The following EML6 variants were observed in gnomAD, a reference collection of about 807,000 sequenced individuals.
The protein encoded by EML6 is EMAP like 6, also known as echinoderm microtubule-associated protein-like 6.
In EML6, 154 loss-of-function variants were observed where a neutral mutation model predicts 240.1. The ratio of observed to expected loss-of-function variants is 0.64; its 90% CI spans 0.56 to 0.73. The LOEUF (loss-of-function observed/expected upper bound fraction) is 0.73. EML6 is among the 30% of genes least tolerant of loss of function. The probability of loss-of-function intolerance (pLI) is 0.00; values close to 1 mark genes in which losing one functional copy is unlikely to be tolerated. For synonymous variants in EML6, 1,148 were observed against 899.0 expected, an observed-to-expected ratio of 1.28 and a Z score of -4.95; for missense variants, 2,964 against 2,474.6, an observed-to-expected ratio of 1.20 and a Z score of -4.20.
At position 54,800,975 on chromosome 2, in the gene EML6, T is replaced by C. The variant is rs570743099; in HGVS notation, c.198-12257T>C. On this transcript the variant is annotated intron_variant, in intron 2 of 41. Transcript: ENST00000356458. ...TAGAATAAAGTTACCCTTCATGTTA[T>C]CTGTTTCCTTGAATTTTCTTAGCCC... Among the ~76,000 whole-genome samples the C allele has an allele frequency of 8.5e-5, 13 of 152,290 alleles. No individual in the cohort carries two copies. In the East Asian group the frequency reaches 1.9e-3, roughly 23 times the overall value.
chr2:54,742,043 A>G (rs1031446952), intron 2 of EML6, among the ~76,000 whole-genome samples: 1 of 152,256 alleles, frequency 6.6e-6, no homozygotes. Flanking sequence ...AATTCAAATT[A>G]ACATTCATAA....
intron 17 of EML6, among the ~76,000 whole-genome samples, chr2:54,886,672 G>T (rs541026480): frequency 6.6e-6 from 1 of 152,090 alleles, no homozygotes; most frequent in African/African-American, 2.4e-5. Context: ...TCTCATTATG[G>T]TTTTCCTAAT....
At chr2:54,917,369 T>TG (rs1673976212) in intron 26 of EML6, among the ~76,000 whole-genome samples, 1 of 147,936 alleles carries the variant, frequency 6.8e-6, no homozygotes, top group Non-Finnish European at 1.5e-5. Context: ...TTTTTTTTTT[T>TG]TTTTTTGTTT....
At chr2:54,762,667 G>A (rs984440524) in intron 2 of EML6, among the ~76,000 whole-genome samples, 1 of 151,954 alleles carries the variant, frequency 6.6e-6, no homozygotes, top group Non-Finnish European at 1.5e-5. Context: ...TTATCCCCAG[G>A]GCCAATAGGA....
At chr2:54,824,341 G>A (rs184994301) in intron 5 of EML6, among the ~76,000 whole-genome samples, 27 of 152,112 alleles carry the variant, frequency 1.8e-4, no homozygotes. Flanking sequence ...TTACCTCAAA[G>A]AATCTGGAAT....
intron 10 of EML6, among the ~76,000 whole-genome samples, chr2:54,850,727 C>T (rs538806720): frequency 1.3e-5 from 2 of 152,260 alleles, no homozygotes; most frequent in South Asian, 4.1e-4. Flanking sequence ...GAAATGGAAA[C>T]CACATATACT....
chr2:54,833,805 C>A (rs1411709154), intron 7 of EML6, among the ~76,000 whole-genome samples: 1 of 152,200 alleles, frequency 6.6e-6, no homozygotes, highest in African/African-American at 2.4e-5. Context: ...TATAAACCAA[C>A]AACCTAATTC....
chr2:54,893,411 G>T (rs998814631), intron 19 of EML6, among the ~76,000 whole-genome samples: 1 of 151,964 alleles, frequency 6.6e-6, no homozygotes. Flanking sequence ...AGAGTGGGAG[G>T]GTCCGAAATC....
chr2:54,842,186 G>T (rs1211242502), intron 7 of EML6, among the ~76,000 whole-genome samples: 1 of 152,086 alleles, frequency 6.6e-6, no homozygotes, highest in Non-Finnish European at 1.5e-5. Context: ...GTATCCTACA[G>T]GATAGTTTCA....
chr2:54,897,326 T>C (rs1573097239), intron 21 of EML6, among the ~76,000 whole-genome samples: 1 of 152,244 alleles, frequency 6.6e-6, no homozygotes, highest in Non-Finnish European at 1.5e-5. Flanking sequence ...CCTATGTTTG[T>C]TTCTATTGCT....
At chr2:54,743,115 A>G (rs1004544799) in intron 2 of EML6, among the ~76,000 whole-genome samples, 1 of 152,246 alleles carries the variant, frequency 6.6e-6, no homozygotes, top group African/African-American at 2.4e-5. Flanking sequence ...TTGTTTATTC[A>G]GTTCAGGGTC....
chr2:54,915,272 G>GGA (rs1412461465), intron 25 of EML6, among the ~76,000 whole-genome samples: 1 of 152,130 alleles, frequency 6.6e-6, no homozygotes, highest in Non-Finnish European at 1.5e-5. Flanking sequence ...GTCTGCCAGG[G>GGA]GAGCAATACC....
intron 10 of EML6, among the ~76,000 whole-genome samples, chr2:54,851,913 T>C (rs867225828): frequency 3.3e-5 from 5 of 152,230 alleles, no homozygotes; most frequent in Non-Finnish European, 5.9e-5. Flanking sequence ...GTAACACAGA[T>C]ATCCAGGGAT....
intron 31 of EML6, 40 bp downstream of exon 31, chr2:54,952,732 A>AAGCT: frequency 7.4e-7 from 1 of 1,358,656 alleles, no homozygotes; most frequent in Non-Finnish European, 1.0e-6. Flanking sequence ...CCCAGCTTGC[A>AAGCT]GGGACGCTGA....
intron 21 of EML6, among the ~76,000 whole-genome samples, chr2:54,895,848 CA>C (rs1259097390): frequency 2.0e-5 from 3 of 152,150 alleles, no homozygotes; most frequent in African/African-American, 7.2e-5. Flanking sequence ...TTCCTTGCCA[CA>C]TAGGGTTTCC....
At chr2:54,793,564 A>G (rs1453075193) in intron 2 of EML6, among the ~76,000 whole-genome samples, 1 of 152,142 alleles carries the variant, frequency 6.6e-6, no homozygotes, top group Non-Finnish European at 1.5e-5. Context: ...CCCGCAACAT[A>G]GGCAATTGTT....
intron 7 of EML6, among the ~76,000 whole-genome samples, chr2:54,834,287 A>T (rs555458448): frequency 6.6e-6 from 1 of 152,280 alleles, no homozygotes; most frequent in East Asian, 1.9e-4. Context: ...GCTGAGTCTG[A>T]TCACTTTTAA....
chr2:54,928,082 A>G (rs1422837924), intron 26 of EML6, among the ~76,000 whole-genome samples: 1 of 152,216 alleles, frequency 6.6e-6, no homozygotes, highest in Non-Finnish European at 1.5e-5. Context: ...TCTGTAGTCT[A>G]ACATTTCATT....
chr2:54,962,244 A>C (rs1676554545), intron 35 of EML6, among the ~76,000 whole-genome samples: 2 of 151,964 alleles, frequency 1.3e-5, no homozygotes, highest in South Asian at 4.2e-4. Context: ...ACTGTGGCCA[A>C]ATAGACATAA....
Sources: allele counts gnomAD v4.1 joint callset (sites outside exome capture counted in the v4.1 genomes callset), GRCh38; gene constraint gnomAD v4.1.1; transcripts MANE v1.5; gene names NCBI Gene and HGNC (gene_info 2026-07-23, HGNC 2026-07-21).